The following TMEM255B variants were observed in gnomAD, a reference collection of about 807,000 sequenced individuals.
TMEM255B encodes family with sequence similarity 70, member B.
TMEM255B carries 35 observed loss-of-function variants against 34.5 expected under a neutral mutation model. The ratio of observed to expected loss-of-function variants is 1.01; its 90% CI spans 0.77 to 1.34. TMEM255B has a LOEUF of 1.34. Among genes scored for constraint, TMEM255B ranks in the 40% most tolerant of loss-of-function variants. The probability of loss-of-function intolerance (pLI) is 0.00; values close to 1 mark genes in which losing one functional copy is unlikely to be tolerated. For synonymous variants in TMEM255B, 206 were observed against 201.2 expected, an observed-to-expected ratio of 1.02 and a Z score of -0.20; for missense variants, 432 against 433.2, an observed-to-expected ratio of 1.00 and a Z score of 0.02.
chr13:113,812,941 ACGGGTCCCGGGTGGGTCACG>A lies in TMEM255B; in HGVS notation c.*1039_*1058del, dbSNP rs2051349883. 5 of 138,844 alleles carry A rather than the reference ACGGGTCCCGGGTGGGTCACG, an allele frequency of 3.6e-5. No homozygotes were observed. Among genetic ancestry groups the A allele is most frequent in the Non-Finnish European group, 6.1e-5 (4 of 65,112 alleles). 8.6% of individuals were successfully genotyped at this position (138,844 alleles called of 1,614,324 possible). On this transcript the variant is annotated 3_prime_UTR_variant, in exon 9 of 9. Coordinates refer to ENST00000375353, the MANE Select transcript of TMEM255B (RefSeq NM_182614.4). ...GTGAGTCACGGGTCCCGGGTGGGTC[ACGGGTCCCGGGTGGGTCACG>A]GGCCCCGGGTGGGTCACGGGTCCCG...
Position 113,801,674 on chromosome 13 carries a change from C to G in TMEM255B, c.531C>G (p.Tyr177Ter), listed in dbSNP as rs948414019. ...ACGSAEPSPA[Y>*]YEFIGVSGCQ... ...GCAGCGCAGAGCCCTCGCCCGCCTA[C>G]TATGAGTTCATCGGCGTCAGCGGCT... is the stretch of plus-strand genomic sequence containing the variant. The change falls in exon 7 of 9, where the codon TAC becomes TAG. Residue 177 changes from tyrosine (Y) to a stop codon, truncating the protein, a stop_gained. Transcript: ENST00000375353. LOFTEE classifies it high-confidence loss of function. 6.2e-7 allele frequency: 1 copy of G among 1,611,994 alleles called. No individual in the cohort carries two copies. The highest frequency in any genetic ancestry group is 8.5e-7 in the Non-Finnish European group (1 of 1,179,094).
chr13:113,775,620 C>T (rs566691833), intron 3 of TMEM255B, among the ~76,000 whole-genome samples: 3 of 152,370 alleles, frequency 2.0e-5, no homozygotes, highest in African/African-American at 4.8e-5. Context: ...GAGTGGGCCC[C>T]ATCCACTTGC....
chr13:113,774,622 C>CCACATATACCACACAATACACAG (rs1566724173), intron 3 of TMEM255B, among the ~76,000 whole-genome samples: 1 of 144,762 alleles, frequency 6.9e-6, no homozygotes, highest in Non-Finnish European at 1.5e-5. Context: ...ACAATACACA[C>CCACATATACCACACAATACACAG]CACATATACC....
chr13:113,780,923 A>G (rs1172388309), intron 3 of TMEM255B, among the ~76,000 whole-genome samples: 1 of 152,256 alleles, frequency 6.6e-6, no homozygotes, highest in Admixed American at 6.5e-5. Context: ...AAAATATATC[A>G]GAATTATAGA....
intron 4 of TMEM255B, among the ~76,000 whole-genome samples, chr13:113,795,486 GAGCACACACACCACAACAGAGCACAC>G (rs1218514873): frequency 5.8e-4 from 68 of 117,550 alleles, no homozygotes; most frequent in African/African-American, 2.2e-3. Context: ...ACAGAGCACA[GAGCACACACACCACAACAGAGCACAC>G]AGCACACAAC....
chr13:113,762,288 A>T (rs1324543421), intron 1 of TMEM255B, among the ~76,000 whole-genome samples: 1 of 151,814 alleles, frequency 6.6e-6, no homozygotes, highest in African/African-American at 2.4e-5. Context: ...GTATTTATAG[A>T]ATGTGTTTAA....
intron 3 of TMEM255B, among the ~76,000 whole-genome samples, chr13:113,776,949 C>T (rs769053390): frequency 5.9e-5 from 9 of 152,124 alleles, no homozygotes; most frequent in Non-Finnish European, 8.8e-5. Flanking sequence ...GGTAGAGCTT[C>T]GCCTAGGGTC....
intron 4 of TMEM255B, among the ~76,000 whole-genome samples, chr13:113,795,507 GCACACAGCACACAACA>G (rs2050907447): frequency 7.5e-6 from 1 of 134,128 alleles, no homozygotes; most frequent in Non-Finnish European, 1.6e-5. Flanking sequence ...CCACAACAGA[GCACACAGCACACAACA>G]CACAGAGCAC....
At chr13:113,772,681 T>C (rs2050497086) in intron 3 of TMEM255B, among the ~76,000 whole-genome samples, 1 of 152,276 alleles carries the variant, frequency 6.6e-6, no homozygotes, top group African/African-American at 2.4e-5. Flanking sequence ...TCTCATTGAA[T>C]GGTCTTGGCA....
In TMEM255B at chr13:113,761,432, G is replaced by C. The variant is rs7491924; in HGVS notation, c.46+2117G>C. 6.7e-3 allele frequency: 6,290 copies of C among 937,820 alleles called. 277 individuals carry two copies. In the African/African-American group the frequency reaches 0.098, roughly 15 times the overall value. 58.1% of individuals were successfully genotyped at this position (937,820 alleles called of 1,614,324 possible). On this transcript the variant is annotated intron_variant, in intron 1 of 8. Coordinates refer to ENST00000375353, the MANE Select transcript of TMEM255B (RefSeq NM_182614.4). ...AGGAGCCAGGAAGGGGAGAGCAGGT[G>C]GGATGGGAGAAGTGGGGGCTGGTGG...
Position 113,794,899 on chromosome 13 carries a change from G to A in TMEM255B, c.253-249G>A, listed in dbSNP as rs144910636. 7.8e-3 allele frequency among the ~76,000 whole-genome samples: 1,186 copies of A among 152,368 alleles called. 14 individuals are homozygous for A. Among genetic ancestry groups the A allele is most frequent in the African/African-American group, 0.027 (1,105 of 41,596 alleles). On this transcript the variant is annotated intron_variant, in intron 3 of 8. Transcript: ENST00000375353. ...TGCTTCTCAGAGGCGCGTGCCGAGG[G>A]CCCGGGGATGGCAACGCCCTTCCGT...
chr13:113,805,127 G>A (rs894013200), intron 8 of TMEM255B, 99 bp downstream of exon 8: 36 of 1,317,892 alleles, frequency 2.7e-5, no homozygotes, highest in South Asian at 2.3e-4. Context: ...TCTTGCAGCC[G>A]CCTCACCTTC....
chr13:113,807,940 G>A (rs181808783), intron 8 of TMEM255B, among the ~76,000 whole-genome samples: 139 of 152,252 alleles, frequency 9.1e-4, no homozygotes, highest in African/African-American at 3.3e-3. Flanking sequence ...CTGGGTTTAC[G>A]CAAAGGGTGG....
rs765548829 is a variant in TMEM255B at position 113,769,100 on chromosome 13, C to T, written c.192C>T (p.Leu64=). Residue 64 remains leucine, a splice_region_variant and synonymous_variant, in exon 3 of 9, where the codon CTC becomes CTT. Coordinates refer to ENST00000375353, the MANE Select transcript of TMEM255B (RefSeq NM_182614.4). The surrounding 1 kb of genome is among the most constrained non-coding windows in gnomAD (Gnocchi z 4.2). ...TVGGYYPGII[L]GFGSFLGIIG... is the part of the protein sequence containing the mutation. ...TCTCGTTCTTCCTTTGGTTTTAGCTCGGCTTTGGATCTTTCTTAGGAATTA... is the reference window on the plus strand; with the variant it reads ...TCTCGTTCTTCCTTTGGTTTTAGCTTGGCTTTGGATCTTTCTTAGGAATTA... 69 of 1,614,110 alleles carry T rather than the reference C, an allele frequency of 4.3e-5. No individual in the cohort carries two copies. The highest frequency in any genetic ancestry group is 3.5e-4 in the South Asian group (32 of 91,056).
At chr13:113,805,343 G>C (rs576516939) in intron 8 of TMEM255B, among the ~76,000 whole-genome samples, 1 of 152,240 alleles carries the variant, frequency 6.6e-6, no homozygotes, top group Admixed American at 6.5e-5. Flanking sequence ...GCGTTTGTCT[G>C]CTGGTGGACA....
intron 6 of TMEM255B, 36 bp from the exon 7 acceptor site, chr13:113,801,617 C>T: frequency 6.4e-7 from 1 of 1,554,794 alleles, no homozygotes; most frequent in Non-Finnish European, 8.7e-7. Flanking sequence ...GGTCACTTGC[C>T]TCGTGCGGTG....
At chr13:113,804,653 G>A (rs1291025419) in intron 7 of TMEM255B, among the ~76,000 whole-genome samples, 1 of 143,932 alleles carries the variant, frequency 6.9e-6, no homozygotes, top group Admixed American at 7.1e-5. Context: ...CCGGGCCGGG[G>A]TTAGCTCCAG....
intron 3 of TMEM255B, among the ~76,000 whole-genome samples, chr13:113,774,332 T>C (rs1019555379): frequency 6.6e-6 from 1 of 152,226 alleles, no homozygotes; most frequent in Non-Finnish European, 1.5e-5. Context: ...TTTCCACTGC[T>C]GAATGAGTTA....
chr13:113,796,568 G>A (rs988211193), intron 4 of TMEM255B, among the ~76,000 whole-genome samples: 4 of 151,490 alleles, frequency 2.6e-5, no homozygotes, highest in African/African-American at 9.7e-5. Context: ...ACCACACCAC[G>A]CTCTTTTCAC....
Sources: allele counts gnomAD v4.1 joint callset (sites outside exome capture counted in the v4.1 genomes callset), GRCh38; gene constraint gnomAD v4.1.1; non-coding constraint Gnocchi (gnomAD v3.1); transcripts MANE v1.5; gene names NCBI Gene and HGNC (gene_info 2026-07-23, HGNC 2026-07-21).